ADAMTSL2: variants seen among roughly 807,000 people sequenced by gnomAD.
ADAMTSL2 encodes ADAMTS like 2, also known as ADAMTS-like protein 2.
A neutral mutation model predicts 117.0 loss-of-function variants in ADAMTSL2; 55 were observed. The ratio of observed to expected loss-of-function variants is 0.47; its 90% CI spans 0.38 to 0.59. ADAMTSL2 has a LOEUF of 0.59. Among genes scored for constraint, ADAMTSL2 ranks in the 20% least tolerant of loss-of-function variants. The pLI is 0.00. For synonymous variants in ADAMTSL2, 572 were observed against 566.4 expected, an observed-to-expected ratio of 1.01 and a Z score of -0.14; for missense variants, 1,182 against 1,354.5, an observed-to-expected ratio of 0.87 and a Z score of 2.00.
chr9:133,558,395 G>A lies in ADAMTSL2; in HGVS notation c.1649+2465G>A, dbSNP rs1304200285. On this transcript the variant is annotated intron_variant, in intron 11 of 18. Coordinates refer to ENST00000651351, the MANE Select transcript of ADAMTSL2 (RefSeq NM_014694.4). The surrounding 1 kb of genome is among the most constrained non-coding windows in gnomAD (Gnocchi z 4.3). Reference sequence around the variant, plus strand: ...GCTCAGAGAAGGCAAAATCAAAGGGGCAGCCCAGAAAGGAAAGGCTATTTT... The same window carrying A: ...GCTCAGAGAAGGCAAAATCAAAGGGACAGCCCAGAAAGGAAAGGCTATTTT... Among the ~76,000 whole-genome samples, 2 of 152,180 alleles carry A rather than the reference G, an allele frequency of 1.3e-5. No individual in the cohort carries two copies. The highest frequency in any genetic ancestry group is 2.9e-5 in the Non-Finnish European group (2 of 68,032).
intron 13 of ADAMTSL2, among the ~76,000 whole-genome samples, chr9:133,567,571 C>A (rs773199660): frequency 1.3e-5 from 2 of 152,194 alleles, no homozygotes; most frequent in Non-Finnish European, 2.9e-5. Context: ...GTGCCGGCCT[C>A]CCCCGACAAG....
At chr9:133,564,421 GGA>G (rs1830883664) in intron 12 of ADAMTSL2, among the ~76,000 whole-genome samples, 2 of 8,278 alleles carry the variant, frequency 2.4e-4, no homozygotes, top group African/African-American at 6.5e-4. Context: ...AGAGAGAGAG[GGA>G]GAGAGAGAGG....
intron 7 of ADAMTSL2, among the ~76,000 whole-genome samples, chr9:133,542,460 A>G (rs896501711): frequency 6.6e-6 from 1 of 152,198 alleles, no homozygotes; most frequent in Non-Finnish European, 1.5e-5. Context: ...TAGGGCACGT[A>G]GTGTGTGCCA....
chr9:133,571,705 C>G (rs1189536845), intron 17 of ADAMTSL2, among the ~76,000 whole-genome samples: 1 of 152,174 alleles, frequency 6.6e-6, no homozygotes, highest in African/African-American at 2.4e-5. Context: ...AGCCCTGGCC[C>G]CAGACCCAGC....
At chr9:133,566,504 G>T (rs1050443744) in intron 12 of ADAMTSL2, among the ~76,000 whole-genome samples, 2 of 152,140 alleles carry the variant, frequency 1.3e-5, no homozygotes, top group African/African-American at 2.4e-5. Context: ...GGCAGGGCGC[G>T]CCCGAACCCC....
chr9:133,549,656 A>AT (rs33916535), intron 9 of ADAMTSL2, among the ~76,000 whole-genome samples: 127,688 of 150,890 alleles, frequency 0.85, 54,703 homozygotes, highest in Non-Finnish European at 0.92. Flanking sequence ...TAGTGCTTGG[A>AT]TTATAGGCGT....
intron 16 of ADAMTSL2, 49 bp from the exon 17 acceptor site, chr9:133,570,282 G>A: frequency 1.3e-6 from 2 of 1,532,412 alleles, no homozygotes; most frequent in Non-Finnish European, 1.7e-6. Flanking sequence ...CTGTGTGTAG[G>A]GTCCTGCTGG....
At position 133,574,955 on chromosome 9, in the gene ADAMTSL2, C is replaced by T. The variant is rs1015018281; in HGVS notation, c.*91C>T. On this transcript the variant is annotated 3_prime_UTR_variant, in exon 19 of 19. Coordinates refer to ENST00000651351, the MANE Select transcript of ADAMTSL2 (RefSeq NM_014694.4). Reference sequence around the variant, plus strand: ...GGGGCCTCCACAGACCCCCCTCCTGCGGGGCACGCTGGCCTAAGAGACGTG... The same window carrying T: ...GGGGCCTCCACAGACCCCCCTCCTGTGGGGCACGCTGGCCTAAGAGACGTG... 1.0e-4 allele frequency: 100 copies of T among 998,918 alleles called. No homozygotes were observed. The highest frequency in any genetic ancestry group is 5.8e-4 in the Admixed American group (32 of 55,236). 61.9% of individuals were successfully genotyped at this position (998,918 alleles called of 1,614,324 possible).
rs13302230 is a variant in ADAMTSL2 at position 133,539,920 on chromosome 9, T to A, written c.412+47T>A. 427,362 of 1,529,556 alleles carry A rather than the reference T, an allele frequency of 0.28. 67,121 individuals are homozygous for A. Among genetic ancestry groups the A allele is most frequent in the Admixed American group, 0.55 (27,935 of 50,958 alleles). 94.7% of individuals were successfully genotyped at this position (1,529,556 alleles called of 1,614,324 possible). ...CACCTTGCAGGGAGCTGACTGAGCT[T>A]TGGGGGTAGCCCTTCCGGCACCTGG... On this transcript the variant is annotated intron_variant, in intron 5 of 18. Transcript: ENST00000651351.
chr9:133,538,557 A>G lies in ADAMTSL2; in HGVS notation c.309+133A>G. 1.0e-5 allele frequency: 11 copies of G among 1,062,294 alleles called. No individual in the cohort carries two copies. The South Asian group carries it at 1.5e-4, about 14-fold the overall frequency. The allele number at this position is 1,062,294 out of a possible 1,614,324, so 65.8% of individuals were successfully genotyped here. On this transcript the variant is annotated intron_variant, in intron 4 of 18. Coordinates refer to ENST00000651351, the MANE Select transcript of ADAMTSL2 (RefSeq NM_014694.4). Reference sequence around the variant, plus strand: ...GGCTGCTCTTCAAGGAGAGCCCAGGAGCAGGGTTGAGAAGGCTGCGGGGGG... The same window carrying G: ...GGCTGCTCTTCAAGGAGAGCCCAGGGGCAGGGTTGAGAAGGCTGCGGGGGG...
Position 133,555,837 on chromosome 9 carries a change from G to A in ADAMTSL2, c.1556G>A (p.Ser519Asn). The stretch of plus-strand genomic sequence containing the variant: ...AACGGGTCCTACCTGGAGCTGAGCA[G>A]CGACAGGGTTGCCAACAGCTCCTCC... ...LLNGSYLELS[S>N]DRVANSSSEA... The change falls in exon 11 of 19, where the codon AGC becomes AAC. Residue 519 changes from serine (S) to asparagine (N), a missense_variant. This residue lies in a region of ADAMTSL2 where 345 missense variants were observed against 325.8 expected (regional missense o/e 1.06). Coordinates refer to ENST00000651351, the MANE Select transcript of ADAMTSL2 (RefSeq NM_014694.4). The A allele has an allele frequency of 6.2e-7, 1 of 1,613,620 alleles. No homozygotes were observed. The highest frequency in any genetic ancestry group is 1.1e-5 in the South Asian group (1 of 91,078).
In ADAMTSL2 at chr9:133,564,621, A is replaced by G. The variant is rs1432402445; in HGVS notation, c.1748-2315A>G. On this transcript the variant is annotated intron_variant, in intron 12 of 18. Transcript: ENST00000651351. ...GGGAGAGAGAGGGAGAGAGAGAGAG[A>G]GAGGGAGAGAGAGAGAGAGGGAGAG... Among the ~76,000 whole-genome samples, 46 of 45,948 alleles carry G rather than the reference A, an allele frequency of 1.0e-3. 1 individual carries two copies. Among genetic ancestry groups the G allele is most frequent in the African/African-American group, 3.6e-3 (37 of 10,332 alleles). The allele number at this position is 45,948 out of a possible 152,430, so 30.1% of individuals were successfully genotyped here. A position where few individuals can be genotyped will look rare whatever the true frequency, so the allele number is the denominator to read the frequency against.
In ADAMTSL2 at chr9:133,575,378, T is replaced by C. The variant is rs1477113704; in HGVS notation, c.*514T>C. 1 of 170,656 alleles carries C rather than the reference T, an allele frequency of 5.9e-6. No individual in the cohort carries two copies. Among genetic ancestry groups the C allele is most frequent in the Non-Finnish European group, 1.3e-5 (1 of 78,588 alleles). 10.6% of individuals were successfully genotyped at this position (170,656 alleles called of 1,614,324 possible). A position where few individuals can be genotyped will look rare whatever the true frequency, so the allele number is the denominator to read the frequency against. On this transcript the variant is annotated 3_prime_UTR_variant, in exon 19 of 19. Transcript: ENST00000651351. ...GCTCCCTCTTATGGAGCCCCTCCCA[T>C]GGAGCTCTCTTCCCGCCGCACTTTC... is the stretch of plus-strand genomic sequence containing the variant.
chr9:133,564,651 AGAGAGGGAGAGAGAGAGG>A (rs1564179103), intron 12 of ADAMTSL2, among the ~76,000 whole-genome samples: 14 of 102,240 alleles, frequency 1.4e-4, no homozygotes, highest in African/African-American at 3.8e-4. Context: ...GGAGAGAGGG[AGAGAGGGAGAGAGAGAGG>A]GAGAGGGAGA....
intron 4 of ADAMTSL2, among the ~76,000 whole-genome samples, chr9:133,539,406 G>A (rs1830139275): frequency 6.6e-6 from 1 of 152,230 alleles, no homozygotes; most frequent in Non-Finnish European, 1.5e-5. Flanking sequence ...CGTCACTGTA[G>A]ACACACAGTC....
Position 133,554,296 on chromosome 9 carries a change from T to G in ADAMTSL2, c.940-61T>G. 7.0e-7 allele frequency: 1 copy of G among 1,419,356 alleles called. No homozygotes were observed. The highest frequency in any genetic ancestry group is 9.5e-7 in the Non-Finnish European group (1 of 1,050,096). 87.9% of individuals were successfully genotyped at this position (1,419,356 alleles called of 1,614,324 possible). On this transcript the variant is annotated intron_variant, in intron 9 of 18. Transcript: ENST00000651351. This position sits in a 1 kb window ranked among gnomAD's most constrained non-coding sequence, Gnocchi z 5.2. ...ACCCTGCAGCTCTGTGGGAAGGGGATTGGTGGGGAAGGGGCTGGACAGAGT... is the reference window on the plus strand; with the variant it reads ...ACCCTGCAGCTCTGTGGGAAGGGGAGTGGTGGGGAAGGGGCTGGACAGAGT...
chr9:133,573,745 G>C (rs1224872207), intron 17 of ADAMTSL2, 98 bp from the exon 18 acceptor site: 4 of 1,491,452 alleles, frequency 2.7e-6, no homozygotes, highest in Admixed American at 1.7e-5. Context: ...TGGGAAGGGT[G>C]GGGTGGGGAA....
chr9:133,563,395 C>T (rs895979568), intron 12 of ADAMTSL2, among the ~76,000 whole-genome samples: 33 of 152,370 alleles, frequency 2.2e-4, no homozygotes, highest in African/African-American at 7.5e-4. Flanking sequence ...TTCCTCCACT[C>T]TTCCTGGCCA....
At chr9:133,545,950 C>T (rs1486743275) in intron 8 of ADAMTSL2, among the ~76,000 whole-genome samples, 1 of 152,062 alleles carries the variant, frequency 6.6e-6, no homozygotes, top group Non-Finnish European at 1.5e-5. Context: ...GCAGACATGT[C>T]CTGCTTGTTG....
Sources: allele counts gnomAD v4.1 joint callset (sites outside exome capture counted in the v4.1 genomes callset), GRCh38; gene constraint gnomAD v4.1.1; regional missense constraint gnomAD v4.1.1; non-coding constraint Gnocchi (gnomAD v3.1); transcripts MANE v1.5; gene names NCBI Gene and HGNC (gene_info 2026-07-23, HGNC 2026-07-21).